The following PKHD1L1 variants were observed in gnomAD, a reference collection of about 807,000 sequenced individuals.
PKHD1L1 encodes fibrocystin-L.
Under a neutral mutation model 462.9 loss-of-function variants are expected in PKHD1L1, and 434 were observed. That is an observed-to-expected ratio of 0.94 (90% CI 0.87 to 1.02). The LOEUF (loss-of-function observed/expected upper bound fraction) is 1.02, where lower values mean the gene tolerates loss of function less well. Ranked by LOEUF, PKHD1L1 falls within the 50% of genes least tolerant of loss-of-function variation. The pLI is 0.00. For missense variants in PKHD1L1, 5,202 were observed against 5,096.1 expected (o/e 1.02, Z -0.63); for synonymous variants, 1,781 against 1,750.0 (o/e 1.02, Z -0.44).
intron 15 of PKHD1L1, 57 bp downstream of exon 15, chr8:109,404,770 A>C: frequency 2.2e-5 from 32 of 1,450,086 alleles, no homozygotes; most frequent in Non-Finnish European, 2.8e-5. Context: ...GCAGGATCTC[A>C]ATTTGATTAT....
chr8:109,494,321 G>A (rs562961067), intron 63 of PKHD1L1, among the ~76,000 whole-genome samples: 1 of 151,946 alleles, frequency 6.6e-6, no homozygotes, highest in East Asian at 1.9e-4. Context: ...TCTCTACTTA[G>A]GGTAACATGA....
chr8:109,507,108 A>G (rs1408167780), intron 68 of PKHD1L1, among the ~76,000 whole-genome samples: 1 of 152,196 alleles, frequency 6.6e-6, no homozygotes, highest in Non-Finnish European at 1.5e-5. Flanking sequence ...AAGGTCTATA[A>G]GAATATATAC....
At chr8:109,500,534 A>C (rs1277597618) in intron 67 of PKHD1L1, among the ~76,000 whole-genome samples, 2 of 139,948 alleles carry the variant, frequency 1.4e-5, no homozygotes, top group African/African-American at 5.3e-5. Context: ...AAAAAAAAAA[A>C]AAAAACCTAG....
intron 77 of PKHD1L1, among the ~76,000 whole-genome samples, chr8:109,528,168 A>G (rs1220200025): frequency 2.6e-5 from 4 of 152,208 alleles, no homozygotes; most frequent in Non-Finnish European, 5.9e-5. Flanking sequence ...TATAAAATGT[A>G]TAAGATTTGG....
chr8:109,497,092 T>A, intron 64 of PKHD1L1, 25 bp downstream of exon 64: 2 of 1,612,700 alleles, frequency 1.2e-6, no homozygotes, highest in Non-Finnish European at 1.7e-6. Flanking sequence ...AGATGGTGAT[T>A]GTTTATTTTC....
chr8:109,363,782 TCC>T (rs1811094057), intron 1 of PKHD1L1, among the ~76,000 whole-genome samples: 1 of 152,186 alleles, frequency 6.6e-6, no homozygotes, highest in Non-Finnish European at 1.5e-5. Context: ...TTCATATTTG[TCC>T]TTAAAAATGT....
rs1312694879 is a variant in PKHD1L1 at position 109,383,122 on chromosome 8, A to T, written c.417+551A>T. Among the ~76,000 whole-genome samples, 3 of 104,058 alleles carry T rather than the reference A, an allele frequency of 2.9e-5. No homozygotes were observed. In the South Asian group the frequency reaches 8.5e-4, roughly 30 times the overall value. The allele number at this position is 104,058 out of a possible 152,430, so 68.3% of individuals were successfully genotyped here. A position where few individuals can be genotyped will look rare whatever the true frequency, so the allele number is the denominator to read the frequency against. ...ATATATAAATAGTTATATATAATAT[A>T]TAGTTATATATATTATTGTATATAT... On this transcript the variant is annotated intron_variant, in intron 4 of 77. Transcript: ENST00000378402.
At chr8:109,396,421 A>G (rs1812978585) in intron 11 of PKHD1L1, among the ~76,000 whole-genome samples, 1 of 152,208 alleles carries the variant, frequency 6.6e-6, no homozygotes, top group Non-Finnish European at 1.5e-5. Flanking sequence ...ATTCCTCGCC[A>G]CAGTTTAAGG....
intron 23 of PKHD1L1, among the ~76,000 whole-genome samples, chr8:109,423,537 A>G (rs1165161429): frequency 6.6e-6 from 1 of 152,122 alleles, no homozygotes; most frequent in Non-Finnish European, 1.5e-5. Context: ...GAATAGTTAG[A>G]CTTAACATTG....
At chr8:109,389,497 AGAGTGTGT>A (rs1447676119) in intron 8 of PKHD1L1, among the ~76,000 whole-genome samples, 3 of 117,976 alleles carry the variant, frequency 2.5e-5, no homozygotes, top group African/African-American at 1.0e-4. Flanking sequence ...AGATCTTTTA[AGAGTGTGT>A]GTGTGTGTGT....
At chr8:109,394,691 A>T (rs188574662) in intron 10 of PKHD1L1, among the ~76,000 whole-genome samples, 3 of 152,182 alleles carry the variant, frequency 2.0e-5, no homozygotes. Context: ...TTCTTAGTTT[A>T]AGATTGATTG....
rs1815001300 is a variant in PKHD1L1 at position 109,429,966 on chromosome 8, G to A, written c.3158G>A (p.Cys1053Tyr). The change falls in exon 27 of 78, where the codon TGT becomes TAT. Residue 1053 changes from cysteine to tyrosine, a missense_variant. Physicochemically the swap from Cys to Tyr is radical, Grantham distance 194 (BLOSUM62 -2). This residue lies in a region of PKHD1L1 where 4,497 missense variants were observed against 4,336.8 expected (regional missense o/e 1.04). Transcript: ENST00000378402. ...EVYVNGIPAK[C>Y]SGDCGFTWDS... The stretch of plus-strand genomic sequence containing the variant: ...TATGTCAATGGAATTCCAGCTAAAT[G>A]TTCAGGTGACTGTGGATTTACATGG... 6.2e-7 allele frequency: 1 copy of A among 1,612,142 alleles called. No homozygotes were observed. The highest frequency in any genetic ancestry group is 1.3e-5 in the African/African-American group (1 of 74,886).
chr8:109,413,493 A>C lies in PKHD1L1; in HGVS notation c.2308A>C (p.Ile770Leu). The C allele has an allele frequency of 6.3e-7, 1 of 1,578,484 alleles. No homozygotes were observed. The highest frequency in any genetic ancestry group is 8.6e-7 in the Non-Finnish European group (1 of 1,161,080). ...ATTTCAGTACCAAGACAATAGCAAG[A>C]TTACTAGAAGCACTGATACACAGTT... ...LKFQYQDNSK[I>L]TRSTDTQFTY... Residue 770 changes from isoleucine to leucine, a missense_variant, in exon 21 of 78, where the codon ATT (isoleucine) becomes CTT (leucine). Physicochemically the swap from Ile to Leu is conservative, Grantham distance 5. Coordinates refer to ENST00000378402, the MANE Select transcript of PKHD1L1 (RefSeq NM_177531.6).
Position 109,537,065 on chromosome 8 carries a change from A to G in PKHD1L1, c.*6975A>G, listed in dbSNP as rs1008717811. Among the ~76,000 whole-genome samples, 51 of 152,366 alleles carry G rather than the reference A, an allele frequency of 3.3e-4. No individual in the cohort carries two copies. Among genetic ancestry groups the G allele is most frequent in the Admixed American group, 1.1e-3 (17 of 15,308 alleles). ...ATTAAAATTCTCATCAGAAAATCCT[A>G]TGCTTTCAAATGTATCTGCTCAAAG... is the stretch of plus-strand genomic sequence containing the variant. On this transcript the variant is annotated 3_prime_UTR_variant, in exon 78 of 78. Coordinates refer to ENST00000378402, the MANE Select transcript of PKHD1L1 (RefSeq NM_177531.6).
chr8:109,432,547 T>C (rs901131135), intron 27 of PKHD1L1, among the ~76,000 whole-genome samples: 1 of 152,208 alleles, frequency 6.6e-6, no homozygotes, highest in Admixed American at 6.5e-5. Context: ...TATCTATCTA[T>C]AATTTGTTGA....
intron 72 of PKHD1L1, 114 bp downstream of exon 72, chr8:109,515,419 C>G: frequency 1.1e-6 from 1 of 930,070 alleles, no homozygotes; most frequent in Non-Finnish European, 1.5e-6. Context: ...GAGAAGAAAA[C>G]AAGTTTTTAG....
chr8:109,394,219 T>C (rs562502772), intron 9 of PKHD1L1, among the ~76,000 whole-genome samples, 196 bp from the exon 10 acceptor site: 5 of 144,436 alleles, frequency 3.5e-5, no homozygotes, highest in South Asian at 2.2e-4. Flanking sequence ...TATTGAGATA[T>C]AGTTTGCAAT....
At chr8:109,498,141 C>T (rs1269732935) in intron 65 of PKHD1L1, among the ~76,000 whole-genome samples, 1 of 41,852 alleles carries the variant, frequency 2.4e-5, no homozygotes. Flanking sequence ...GTCGCCCAGG[C>T]CGGACTGCGG....
At position 109,381,352 on chromosome 8, in the gene PKHD1L1, G is replaced by T. The variant is rs1237057247; in HGVS notation, c.164-18G>T. On this transcript the variant is annotated intron_variant, in intron 2 of 77. Coordinates refer to ENST00000378402, the MANE Select transcript of PKHD1L1 (RefSeq NM_177531.6). ...ATAGAATACCATTAATAATAATTAA[G>T]TCTTCTTACTTTTCCAGGTTTTTCT... is the stretch of plus-strand genomic sequence containing the variant. 1.3e-6 allele frequency: 2 copies of T among 1,545,016 alleles called. No homozygotes were observed. The highest frequency in any genetic ancestry group is 1.9e-5 in the Admixed American group (1 of 51,286).
Sources: gnomAD v4.1 joint callset for allele counts (sites outside exome capture counted in the v4.1 genomes callset) on GRCh38, gnomAD v4.1.1 for gene constraint, gnomAD v4.1.1 regional missense constraint, MANE v1.5 for transcripts, NCBI Gene and HGNC (gene_info 2026-07-23, HGNC 2026-07-21) for gene names.